Variants in KCNQ1 observed in about 807,000 individuals in gnomAD.
KCNQ1 encodes potassium voltage-gated channel subfamily Q member 1.
In KCNQ1, 49 loss-of-function variants were observed where a neutral mutation model predicts 72.4. The ratio of observed to expected loss-of-function variants is 0.68; its 90% CI spans 0.54 to 0.86. The LOEUF (loss-of-function observed/expected upper bound fraction) is 0.86, where lower values mean the gene tolerates loss of function less well. Among genes scored for constraint, KCNQ1 ranks in the 40% least tolerant of loss-of-function variants. The probability of loss-of-function intolerance (pLI) is 0.00; values close to 1 mark genes in which losing one functional copy is unlikely to be tolerated. For synonymous variants in KCNQ1, 450 were observed against 412.6 expected (o/e 1.09, Z -1.10); for missense variants, 790 against 945.1 (o/e 0.84, Z 2.15).
chr11:2,562,078 A>G lies in KCNQ1; in HGVS notation c.478-8550A>G, dbSNP rs12802897. On this transcript the variant is annotated intron_variant, in intron 2 of 15. Transcript: ENST00000155840. The surrounding 1 kb of genome is among the most constrained non-coding windows in gnomAD (Gnocchi z 7.5). ...ATGTCCCCAGCAGTAAGGCCAGGAC[A>G]GGGCAGCCGGACCCCGACTGTGCCA... Among the ~76,000 whole-genome samples, 1 of 151,940 alleles carries G rather than the reference A, an allele frequency of 6.6e-6. No homozygotes were observed. Among genetic ancestry groups the G allele is most frequent in the Non-Finnish European group, 1.5e-5 (1 of 67,964 alleles).
chr11:2,733,814 A>ACACACACACACTCT lies in KCNQ1; in HGVS notation c.1515-35029_1515-35028insACACACACACTCTC. ...CACACACACACACACACACACACAC[A>ACACACACACACTCT]CTCTCTCACTCTCTCTCTCTCTCTC... is the stretch of plus-strand genomic sequence containing the variant. On this transcript the variant is annotated intron_variant, in intron 11 of 15. Coordinates refer to ENST00000155840, the MANE Select transcript of KCNQ1 (RefSeq NM_000218.3). 7.2e-3 allele frequency among the ~76,000 whole-genome samples: 624 copies of ACACACACACACTCT among 86,442 alleles called. 5 individuals carry two copies. Among genetic ancestry groups the ACACACACACACTCT allele is most frequent in the Middle Eastern group, 0.014 (2 of 142 alleles). The allele number at this position is 86,442 out of a possible 152,430, so 56.7% of individuals were successfully genotyped here.
At chr11:2,685,304 C>T (rs1850467011) in intron 11 of KCNQ1, 5 of 398,514 alleles carry the variant, frequency 1.3e-5, no homozygotes, top group African/African-American at 2.1e-5. Flanking sequence ...CACAGAGTAT[C>T]GATCTGTCTG....
At chr11:2,569,566 C>T (rs917927375) in intron 2 of KCNQ1, among the ~76,000 whole-genome samples, 9 of 152,212 alleles carry the variant, frequency 5.9e-5, no homozygotes, top group Non-Finnish European at 1.0e-4. Context: ...GGGCCTGAGA[C>T]GCCGTATGCC....
chr11:2,578,621 G>A lies in KCNQ1; in HGVS notation c.922-4814G>A, dbSNP rs187574669. On this transcript the variant is annotated intron_variant, in intron 6 of 15. Transcript: ENST00000155840. Reference sequence around the variant, plus strand: ...GAGCCAGGGGCCTCCTCATGGCTGGGGCCCCAGCACAGTGACCTGGGAATG... The same window carrying A: ...GAGCCAGGGGCCTCCTCATGGCTGGAGCCCCAGCACAGTGACCTGGGAATG... Among the ~76,000 whole-genome samples, 920 of 152,338 alleles carry A rather than the reference G, an allele frequency of 6.0e-3. 9 individuals carry two copies. Among genetic ancestry groups the A allele is most frequent in the African/African-American group, 0.021 (864 of 41,578 alleles).
chr11:2,736,960 C>T (rs529533876), intron 11 of KCNQ1, among the ~76,000 whole-genome samples: 30 of 152,312 alleles, frequency 2.0e-4, no homozygotes, highest in South Asian at 4.1e-4. Context: ...AGCCCAGTCC[C>T]GACCCCCACC....
In KCNQ1 at chr11:2,657,399, A is replaced by G. The variant is rs1849868818; in HGVS notation, c.1394-4562A>G. 5.0e-6 allele frequency: 2 copies of G among 398,506 alleles called. No homozygotes were observed. The highest frequency in any genetic ancestry group is 2.1e-5 in the African/African-American group (1 of 48,724). 24.7% of individuals were successfully genotyped at this position (398,506 alleles called of 1,614,324 possible). A position where few individuals can be genotyped will look rare whatever the true frequency, so the allele number is the denominator to read the frequency against. On this transcript the variant is annotated intron_variant, in intron 10 of 15. Coordinates refer to ENST00000155840, the MANE Select transcript of KCNQ1 (RefSeq NM_000218.3). The surrounding 1 kb of genome is among the most constrained non-coding windows in gnomAD (Gnocchi z 4.8). ...CATTGTCTCTTACTAAAGTTTTACA[A>G]TTTTCTCCAGAGTTCTTGCATATAC... is the stretch of plus-strand genomic sequence containing the variant.
intron 15 of KCNQ1, among the ~76,000 whole-genome samples, chr11:2,791,583 AC>A (rs1344642443): frequency 6.6e-6 from 1 of 151,690 alleles, no homozygotes; most frequent in African/African-American, 2.4e-5. Flanking sequence ...GGGCTGGGAA[AC>A]CGCGGGCGGG....
intron 6 of KCNQ1, among the ~76,000 whole-genome samples, chr11:2,575,310 C>T (rs1171042421): frequency 1.3e-5 from 2 of 152,156 alleles, no homozygotes; most frequent in African/African-American, 2.4e-5. Context: ...CCTCGGCCAT[C>T]GCGCGCCCTG....
intron 10 of KCNQ1, chr11:2,610,734 T>TTC (rs1848966910): frequency 2.6e-6 from 1 of 385,218 alleles, no homozygotes; most frequent in South Asian, 1.4e-4. Flanking sequence ...TTTTTTTTTT[T>TTC]TTTTTTTTTT....
chr11:2,506,849 T>C (rs1446610357), intron 1 of KCNQ1, among the ~76,000 whole-genome samples: 1 of 152,264 alleles, frequency 6.6e-6, no homozygotes, highest in Non-Finnish European at 1.5e-5. Context: ...TCCCTGTGTC[T>C]AAAAGTCATG....
intron 15 of KCNQ1, among the ~76,000 whole-genome samples, chr11:2,821,878 A>G (rs991476080): frequency 6.6e-6 from 1 of 152,180 alleles, no homozygotes; most frequent in African/African-American, 2.4e-5. Flanking sequence ...TAGTCGTGTC[A>G]TGGCCCCAGT....
chr11:2,616,147 G>C (rs572353787), intron 10 of KCNQ1: 1 of 396,852 alleles, frequency 2.5e-6, no homozygotes, highest in African/African-American at 2.1e-5. Flanking sequence ...GTTATTCATA[G>C]TATTCTTTTA....
Position 2,620,857 on chromosome 11 carries a change from T to G in KCNQ1, c.1393+32003T>G. 2.5e-6 allele frequency: 1 copy of G among 398,568 alleles called. No individual in the cohort carries two copies. Among genetic ancestry groups the G allele is most frequent in the Non-Finnish European group, 4.4e-6 (1 of 226,062 alleles). 24.7% of individuals were successfully genotyped at this position (398,568 alleles called of 1,614,324 possible). A position where few individuals can be genotyped will look rare whatever the true frequency, so the allele number is the denominator to read the frequency against. ...CTGCAGCCTTCCCAGCAACTTTTAT[T>G]TTTTTGACTTTTTAATAATTGCCAT... is the stretch of plus-strand genomic sequence containing the variant. On this transcript the variant is annotated intron_variant, in intron 10 of 15. Coordinates refer to ENST00000155840, the MANE Select transcript of KCNQ1 (RefSeq NM_000218.3). The surrounding 1 kb of genome is among the most constrained non-coding windows in gnomAD (Gnocchi z 4.5).
chr11:2,604,647 C>T (rs769667198), intron 10 of KCNQ1, among the ~76,000 whole-genome samples: 8 of 151,888 alleles, frequency 5.3e-5, no homozygotes, highest in South Asian at 2.1e-4. Flanking sequence ...CAGGTTCAAG[C>T]GATTCCTCTG....
intron 15 of KCNQ1, among the ~76,000 whole-genome samples, chr11:2,780,253 C>T (rs1846798761): frequency 1.3e-5 from 2 of 152,202 alleles, no homozygotes; most frequent in Admixed American, 1.3e-4. Flanking sequence ...CCCTCAGGGA[C>T]AGACCCTAGG....
intron 11 of KCNQ1, among the ~76,000 whole-genome samples, chr11:2,736,336 G>A (rs558305613): frequency 2.6e-5 from 4 of 152,348 alleles, no homozygotes; most frequent in South Asian, 2.1e-4. Context: ...GCCCACCGGG[G>A]GCTGTGAATA....
chr11:2,587,538 A>G (rs761793657), intron 8 of KCNQ1, 32 bp from the exon 9 acceptor site: 3 of 1,613,046 alleles, frequency 1.9e-6, no homozygotes, highest in Non-Finnish European at 8.5e-7. Context: ...GTGGCTCAGC[A>G]GGTGACAGCC....
intron 11 of KCNQ1, among the ~76,000 whole-genome samples, chr11:2,709,388 G>C (rs1436965539): frequency 6.6e-6 from 1 of 151,918 alleles, no homozygotes; most frequent in Non-Finnish European, 1.5e-5. Context: ...GCCACTCTCG[G>C]TGTCTGCTCT....
intron 5 of KCNQ1, 96 bp from the exon 6 acceptor site, chr11:2,572,750 C>T: frequency 6.5e-7 from 1 of 1,535,966 alleles, no homozygotes; most frequent in East Asian, 2.3e-5. Flanking sequence ...GCGTAGGACG[C>T]CCAGTGATCG....
Sources: allele counts gnomAD v4.1 joint callset (sites outside exome capture counted in the v4.1 genomes callset), GRCh38; gene constraint gnomAD v4.1.1; non-coding constraint Gnocchi (gnomAD v3.1); transcripts MANE v1.5; gene names NCBI Gene and HGNC (gene_info 2026-07-23, HGNC 2026-07-21).